MEI4: variants seen among roughly 807,000 people sequenced by gnomAD.
MEI4 encodes meiosis-specific protein MEI4.
A neutral mutation model predicts 31.4 loss-of-function variants in MEI4; 27 were observed. That is an observed-to-expected ratio of 0.86 (90% confidence interval 0.63 to 1.19). The LOEUF is 1.19. Ranked by LOEUF, MEI4 falls within the 50% of genes most tolerant of loss-of-function variation. MEI4 has a pLI of 0.00. For missense variants in MEI4, 329 were observed against 398.9 expected, an observed-to-expected ratio of 0.82 and a Z score of 1.49; for synonymous variants, 122 against 145.4, an observed-to-expected ratio of 0.84 and a Z score of 1.16.
chr6:77,704,799 G>C (rs1033325874), intron 2 of MEI4, among the ~76,000 whole-genome samples: 27 of 152,118 alleles, frequency 1.8e-4, no homozygotes, highest in African/African-American at 6.5e-4. Context: ...TGTTTTGAAT[G>C]ATTCAAACAC....
At chr6:77,851,957 T>C (rs1770636517) in intron 4 of MEI4, among the ~76,000 whole-genome samples, 1 of 152,234 alleles carries the variant, frequency 6.6e-6, no homozygotes, top group Non-Finnish European at 1.5e-5. Flanking sequence ...TAAAAATGAA[T>C]TGAACGCCTA....
At chr6:77,818,317 A>G (rs1246187109) in intron 3 of MEI4, among the ~76,000 whole-genome samples, 1 of 152,158 alleles carries the variant, frequency 6.6e-6, no homozygotes, top group Non-Finnish European at 1.5e-5. Flanking sequence ...TATTTTGCAT[A>G]TCTTTTTATA....
chr6:77,904,335 G>A (rs528554351), intron 4 of MEI4, among the ~76,000 whole-genome samples: 4 of 152,080 alleles, frequency 2.6e-5, no homozygotes, highest in Admixed American at 6.6e-5. Context: ...TAGGTTCAGG[G>A]AGTACATGTG....
chr6:77,875,200 G>T (rs1216753723), intron 4 of MEI4, among the ~76,000 whole-genome samples: 4 of 152,042 alleles, frequency 2.6e-5, no homozygotes, highest in Non-Finnish European at 4.4e-5. Flanking sequence ...TATTCTATTT[G>T]TTTTCTTCAT....
intron 1 of MEI4, among the ~76,000 whole-genome samples, chr6:77,659,466 A>G (rs1239524223): frequency 6.6e-6 from 1 of 152,176 alleles, no homozygotes; most frequent in Non-Finnish European, 1.5e-5. Flanking sequence ...CTAGGGAGGC[A>G]GCTGTCAGAG....
chr6:77,833,888 T>C (rs1444209227), intron 4 of MEI4, among the ~76,000 whole-genome samples: 1 of 152,180 alleles, frequency 6.6e-6, no homozygotes, highest in Non-Finnish European at 1.5e-5. Flanking sequence ...ATGTGATGTT[T>C]GGTTTTCTGT....
At chr6:77,684,554 T>A (rs1769017517) in intron 1 of MEI4, among the ~76,000 whole-genome samples, 1 of 152,024 alleles carries the variant, frequency 6.6e-6, no homozygotes, top group South Asian at 2.1e-4. Flanking sequence ...TGTCCAAGAG[T>A]TCAATTATTT....
chr6:77,868,498 A>AATATATATATATATATATATAT (rs1771107590), intron 4 of MEI4, among the ~76,000 whole-genome samples: 1 of 14,598 alleles, frequency 6.9e-5, no homozygotes, highest in Non-Finnish European at 1.4e-4. Flanking sequence ...TGTAAAAAAT[A>AATATATATATATATATATATAT]CTACATATAT....
intron 2 of MEI4, among the ~76,000 whole-genome samples, chr6:77,741,781 C>T (rs993424355): frequency 5.0e-5 from 6 of 120,580 alleles, no homozygotes; most frequent in Admixed American, 1.9e-4. Flanking sequence ...CCCCCCACCC[C>T]ACAACAGTCC....
At chr6:77,898,261 C>T (rs976125152) in intron 4 of MEI4, among the ~76,000 whole-genome samples, 6 of 151,866 alleles carry the variant, frequency 4.0e-5, no homozygotes, top group African/African-American at 1.5e-4. Context: ...AAATTGACTG[C>T]CTTCTTTACT....
intron 3 of MEI4, among the ~76,000 whole-genome samples, chr6:77,777,891 T>C (rs910728103): frequency 6.6e-6 from 1 of 152,072 alleles, no homozygotes; most frequent in African/African-American, 2.4e-5. Flanking sequence ...AAAAAACCTT[T>C]AAATTTAAAA....
chr6:77,775,079 T>G (rs1457272668), intron 3 of MEI4, among the ~76,000 whole-genome samples: 5 of 152,084 alleles, frequency 3.3e-5, no homozygotes, highest in Non-Finnish European at 5.9e-5. Context: ...TCTCTCTGCC[T>G]CTCTCTTACA....
At chr6:77,735,777 G>A (rs1046742894) in intron 2 of MEI4, among the ~76,000 whole-genome samples, 2 of 151,930 alleles carry the variant, frequency 1.3e-5, no homozygotes, top group Admixed American at 1.3e-4. Context: ...ATCTATTTTT[G>A]GTCTTTGATG....
At chr6:77,922,360 C>T (rs774270346) in intron 4 of MEI4, among the ~76,000 whole-genome samples, 1 of 151,640 alleles carries the variant, frequency 6.6e-6, no homozygotes, top group Non-Finnish European at 1.5e-5. Context: ...ATTTCCTTGA[C>T]TGTGGAATAG....
chr6:77,753,401 T>A (rs1767830864), intron 2 of MEI4, among the ~76,000 whole-genome samples: 2 of 151,176 alleles, frequency 1.3e-5, no homozygotes, highest in African/African-American at 4.9e-5. Flanking sequence ...TAAACAAATT[T>A]ACAAGAAAAA....
At chr6:77,814,464 G>A (rs1360146312) in intron 3 of MEI4, among the ~76,000 whole-genome samples, 1 of 152,100 alleles carries the variant, frequency 6.6e-6, no homozygotes, top group East Asian at 1.9e-4. Context: ...GGGCCAAGTG[G>A]TAGCTGGGTT....
chr6:77,671,525 G>T (rs904722021), intron 1 of MEI4, among the ~76,000 whole-genome samples: 5 of 152,070 alleles, frequency 3.3e-5, no homozygotes, highest in Non-Finnish European at 7.4e-5. Flanking sequence ...TTTATTACTG[G>T]TTTCATTTTC....
At chr6:77,831,653 G>A (rs949843569) in intron 4 of MEI4, among the ~76,000 whole-genome samples, 2 of 151,806 alleles carry the variant, frequency 1.3e-5, no homozygotes, top group African/African-American at 4.8e-5. Flanking sequence ...AATAGGCCAA[G>A]CATAGAAAAA....
chr6:77,909,859 C>T (rs1766390960), intron 4 of MEI4, among the ~76,000 whole-genome samples: 1 of 152,154 alleles, frequency 6.6e-6, no homozygotes, highest in Admixed American at 6.6e-5. Context: ...GCTTATCCAC[C>T]ATGATCAAGT....
Sources: allele counts gnomAD v4.1 joint callset (sites outside exome capture counted in the v4.1 genomes callset), GRCh38; gene constraint gnomAD v4.1.1; transcripts MANE v1.5; gene names NCBI Gene and HGNC (gene_info 2026-07-23, HGNC 2026-07-21).